ZRANB3: variants seen among roughly 807,000 people sequenced by gnomAD.
ZRANB3 encodes DNA annealing helicase and endonuclease ZRANB3.
Under a neutral mutation model 133.8 loss-of-function variants are expected in ZRANB3, and 125 were observed. The ratio of observed to expected loss-of-function variants is 0.93; its 90% CI spans 0.81 to 1.08. The LOEUF (loss-of-function observed/expected upper bound fraction) is 1.08. Among genes scored for constraint, ZRANB3 ranks in the 50% least tolerant of loss-of-function variants. The pLI is 0.00. For synonymous variants in ZRANB3, 387 were observed against 432.7 expected, an observed-to-expected ratio of 0.89 and a Z score of 1.31; for missense variants, 1,229 against 1,275.5, an observed-to-expected ratio of 0.96 and a Z score of 0.56.
chr2:135,206,849 C>T (rs1693881902), intron 19 of ZRANB3, among the ~76,000 whole-genome samples: 2 of 151,940 alleles, frequency 1.3e-5, no homozygotes, highest in South Asian at 2.1e-4. Context: ...TGAAAAGAAA[C>T]GTTTGGAATT....
At chr2:135,242,633 G>C (rs1695602313) in intron 12 of ZRANB3, among the ~76,000 whole-genome samples, 3 of 151,800 alleles carry the variant, frequency 2.0e-5, no homozygotes, top group East Asian at 3.9e-4. Context: ...CTTCCGTCCT[G>C]GGAAGTTTTC....
At chr2:135,489,284 G>A (rs1025586820) in intron 2 of ZRANB3, among the ~76,000 whole-genome samples, 5 of 131,852 alleles carry the variant, frequency 3.8e-5, no homozygotes, top group Admixed American at 1.7e-4. Flanking sequence ...CACAGGAAGG[G>A]GAACATCACA....
At chr2:135,358,450 G>C (rs1685528950) in intron 3 of ZRANB3, among the ~76,000 whole-genome samples, 1 of 152,118 alleles carries the variant, frequency 6.6e-6, no homozygotes, top group Admixed American at 6.6e-5. Context: ...AATTTAGGCA[G>C]CTGAAAAGGA....
At chr2:135,294,548 T>A (rs1681935775) in intron 8 of ZRANB3, among the ~76,000 whole-genome samples, 1 of 152,190 alleles carries the variant, frequency 6.6e-6, no homozygotes, top group South Asian at 2.1e-4. Flanking sequence ...AAAAACCAGC[T>A]CCTGGATTCA....
intron 1 of ZRANB3, among the ~76,000 whole-genome samples, chr2:135,520,226 A>G (rs1363428153): frequency 1.3e-5 from 2 of 151,834 alleles, no homozygotes; most frequent in African/African-American, 4.8e-5. Flanking sequence ...TCTACTAAAA[A>G]TAAAAATAAA....
chr2:135,495,161 G>C (rs1354169301), intron 2 of ZRANB3, among the ~76,000 whole-genome samples: 1 of 152,060 alleles, frequency 6.6e-6, no homozygotes, highest in Non-Finnish European at 1.5e-5. Flanking sequence ...CTGTGAATAC[G>C]AGGTTACAGT....
intron 6 of ZRANB3, among the ~76,000 whole-genome samples, chr2:135,322,844 C>A (rs1683599875): frequency 6.6e-6 from 1 of 151,904 alleles, no homozygotes; most frequent in African/African-American, 2.4e-5. Flanking sequence ...TGGCAAAACC[C>A]CATCTCTACT....
chr2:135,493,984 A>G (rs1381360137), intron 2 of ZRANB3, among the ~76,000 whole-genome samples: 3 of 152,194 alleles, frequency 2.0e-5, no homozygotes, highest in Non-Finnish European at 4.4e-5. Flanking sequence ...CATAAACTGC[A>G]TGATTCTGTT....
At chr2:135,435,086 C>T (rs1176045149) in intron 2 of ZRANB3, among the ~76,000 whole-genome samples, 1 of 151,702 alleles carries the variant, frequency 6.6e-6, no homozygotes, top group Non-Finnish European at 1.5e-5. Context: ...TATTTCATAA[C>T]CCACATATTA....
At position 135,306,373 on chromosome 2, in the gene ZRANB3, C is replaced by T. The variant is rs1223743029; in HGVS notation, c.966+7116G>A. Among the ~76,000 whole-genome samples the T allele has an allele frequency of 3.5e-4, 53 of 150,508 alleles. No individual in the cohort carries two copies. The South Asian group carries it at 0.01, about 29-fold the overall frequency. ...TGCAATCTTGGCTCACTGCAAGCTC[C>T]GCCTCCTGGGTTCACGCCATTCTCC... On this transcript the variant is annotated intron_variant, in intron 8 of 20. Coordinates refer to ENST00000264159, the MANE Select transcript of ZRANB3 (RefSeq NM_032143.4).
rs1052685905 is a variant in ZRANB3, at chr2:135,439,929, T to C, written c.162-49109A>G. The stretch of plus-strand genomic sequence containing the variant: ...TCACCTGTACCTTTAAAAAACATTT[T>C]TCAGGCTGATGCAATTTATGTTATA... On this transcript the variant is annotated intron_variant, in intron 2 of 20. Transcript: ENST00000264159. Among the ~76,000 whole-genome samples the C allele has an allele frequency of 1.0e-3, 153 of 152,308 alleles. 1 individual carries two copies. Among genetic ancestry groups the C allele is most frequent in the African/African-American group, 3.5e-3 (146 of 41,580 alleles).
In ZRANB3 at chr2:135,390,665, C is replaced by T. The variant is rs569237584; in HGVS notation, c.180+137G>A. The T allele has an allele frequency of 3.1e-4, 406 of 1,297,290 alleles. 7 individuals are homozygous for T. In the South Asian group the frequency reaches 5.0e-3, roughly 16 times the overall value. 80.4% of individuals were successfully genotyped at this position (1,297,290 alleles called of 1,614,324 possible). A position where few individuals can be genotyped will look rare whatever the true frequency, so the allele number is the denominator to read the frequency against. On this transcript the variant is annotated intron_variant, in intron 3 of 20. Transcript: ENST00000264159. ...ATTCTCTCTCCCCCTCCCTCCTCAC[C>T]CTCCCATCTTTCTCTCTCTCCCCAT...
intron 2 of ZRANB3, among the ~76,000 whole-genome samples, chr2:135,497,999 G>A (rs1395541417): frequency 6.6e-6 from 1 of 151,958 alleles, no homozygotes; most frequent in Non-Finnish European, 1.5e-5. Context: ...GTTGCAGTGA[G>A]CCAAGATGGT....
At chr2:135,296,751 T>C (rs916532326) in intron 8 of ZRANB3, among the ~76,000 whole-genome samples, 2 of 152,128 alleles carry the variant, frequency 1.3e-5, no homozygotes, top group African/African-American at 4.8e-5. Flanking sequence ...ACAGATGGGT[T>C]TTTGGTGTGG....
intron 3 of ZRANB3, among the ~76,000 whole-genome samples, chr2:135,382,651 ACT>A (rs1686768749): frequency 6.6e-6 from 1 of 152,148 alleles, no homozygotes; most frequent in South Asian, 2.1e-4. Context: ...CTCGGCAGAA[ACT>A]CTACAAGCCA....
intron 3 of ZRANB3, among the ~76,000 whole-genome samples, chr2:135,359,539 C>T (rs114294762): frequency 4.8e-4 from 70 of 145,952 alleles, no homozygotes; most frequent in African/African-American, 1.7e-3. Context: ...GCCATTACCA[C>T]GTCACTGCAC....
chr2:135,462,782 A>C (rs1690821657), intron 2 of ZRANB3, among the ~76,000 whole-genome samples: 1 of 151,998 alleles, frequency 6.6e-6, no homozygotes, highest in African/African-American at 2.4e-5. Flanking sequence ...TAGTAGAGAC[A>C]GGGTTTCGCC....
At position 135,391,877 on chromosome 2, in the gene ZRANB3, C is replaced by A. The variant is rs369294177; in HGVS notation, c.162-1057G>T. ...TACAGGTGTGAGCCACCGCGCCTGG[C>A]CGCTGAGTTTTTATTTCTATTACTT... On this transcript the variant is annotated intron_variant, in intron 2 of 20. Coordinates refer to ENST00000264159, the MANE Select transcript of ZRANB3 (RefSeq NM_032143.4). 2.1e-4 allele frequency among the ~76,000 whole-genome samples: 32 copies of A among 152,292 alleles called. No individual in the cohort carries two copies. In the East Asian group the frequency reaches 4.6e-3, roughly 22 times the overall value.
chr2:135,305,421 G>T (rs1476599696), intron 8 of ZRANB3, among the ~76,000 whole-genome samples: 2 of 152,168 alleles, frequency 1.3e-5, no homozygotes, highest in Admixed American at 1.3e-4. Flanking sequence ...GCATATAGTT[G>T]GGTGATGTTT....
Sources: gnomAD v4.1 joint callset for allele counts (sites outside exome capture counted in the v4.1 genomes callset) on GRCh38, gnomAD v4.1.1 for gene constraint, MANE v1.5 for transcripts, NCBI Gene and HGNC (gene_info 2026-07-23, HGNC 2026-07-21) for gene names.